The following DNAH9 variants were observed in gnomAD, a reference collection of about 807,000 sequenced individuals.
DNAH9 encodes DNAH9 variant protein.
Under a neutral mutation model 471.6 loss-of-function variants are expected in DNAH9, and 345 were observed. The ratio of observed to expected loss-of-function variants is 0.73; its 90% CI spans 0.67 to 0.80. DNAH9 has a LOEUF of 0.80. Ranked by LOEUF, DNAH9 falls within the 30% of genes least tolerant of loss-of-function variation. DNAH9 has a pLI of 0.00. For missense variants in DNAH9, 5,407 were observed against 5,609.2 expected, an observed-to-expected ratio of 0.96 and a Z score of 1.15; for synonymous variants, 2,093 against 2,123.6, an observed-to-expected ratio of 0.99 and a Z score of 0.40.
chr17:11,731,321 T>C (rs534294540), intron 28 of DNAH9, among the ~76,000 whole-genome samples: 4 of 151,528 alleles, frequency 2.6e-5, no homozygotes, highest in Non-Finnish European at 5.9e-5. Flanking sequence ...CTGCAGGAAA[T>C]GGGTTGAAGA....
chr17:11,749,086 GTTTTTTTTTTTT>G (rs1357238487), intron 32 of DNAH9, among the ~76,000 whole-genome samples: 6 of 20,528 alleles, frequency 2.9e-4, no homozygotes, highest in African/African-American at 8.6e-4. Context: ...TTTTTTTTTT[GTTTTTTTTTTTT>G]TTTTGAGACA....
intron 62 of DNAH9, among the ~76,000 whole-genome samples, chr17:11,925,844 G>T (rs2151031039): frequency 6.6e-6 from 1 of 152,028 alleles, no homozygotes; most frequent in African/African-American, 2.4e-5. Context: ...ATAAAGCATT[G>T]GAGTATTGAA....
At position 11,834,717 on chromosome 17, in the gene DNAH9, A is replaced by G. The variant is rs770165014; in HGVS notation, c.9326A>G (p.Gln3109Arg). 6.2e-7 allele frequency: 1 copy of G among 1,614,098 alleles called. No homozygotes were observed. The highest frequency in any genetic ancestry group is 8.5e-7 in the Non-Finnish European group (1 of 1,179,992). The change falls in exon 49 of 69, where the codon CAG (glutamine) becomes CGG (arginine). Residue 3109 changes from glutamine to arginine, a missense_variant. Gln to Arg is a conservative substitution (Grantham distance 43). Around this residue, in one of 3 missense-constraint regions of DNAH9, gnomAD observed 4,636 missense variants for 4,900.3 expected, o/e 0.95. Coordinates refer to ENST00000262442, the MANE Select transcript of DNAH9 (RefSeq NM_001372.4). The part of the protein sequence containing the change: ...QKNEDADKLI[Q>R]VVGVETDKVS... ...AATGAAGATGCAGACAAACTGATTC[A>G]GGTCGTGGGTGTGGAGACTGACAAA...
intron 36 of DNAH9, among the ~76,000 whole-genome samples, chr17:11,765,654 G>A (rs1967903324): frequency 6.6e-6 from 1 of 152,184 alleles, no homozygotes; most frequent in African/African-American, 2.4e-5. Flanking sequence ...ACATGAGCCA[G>A]GAGTTTGACA....
At chr17:11,964,387 A>C (rs1976511721) in intron 68 of DNAH9, among the ~76,000 whole-genome samples, 1 of 151,932 alleles carries the variant, frequency 6.6e-6, no homozygotes, top group South Asian at 2.1e-4. Context: ...AAGTGGGGGA[A>C]TGATATCAGT....
intron 11 of DNAH9, among the ~76,000 whole-genome samples, chr17:11,645,047 G>T (rs17600656): frequency 6.6e-6 from 1 of 152,006 alleles, no homozygotes; most frequent in Admixed American, 6.5e-5. Context: ...GCACAAAGAG[G>T]CAATAAGTTT....
chr17:11,837,282 T>C (rs927834637), intron 49 of DNAH9, among the ~76,000 whole-genome samples: 3 of 152,204 alleles, frequency 2.0e-5, no homozygotes, highest in African/African-American at 7.2e-5. Context: ...GAAGTAAAAT[T>C]CATTTTGAAT....
chr17:11,923,867 G>T lies in DNAH9; in HGVS notation c.11803G>T (p.Gly3935Trp), dbSNP rs1270059418. Reference protein sequence around the residue: ...NNQNFHNVSLGQGQEVVAEAA... With the variant: ...NNQNFHNVSLWQGQEVVAEAA... ...TCAGAACTTTCACAACGTGTCTTTG[G>T]GGCAAGGACAGGAAGTGGTGGCTGA... The change falls in exon 62 of 69, where the codon GGG (glycine) becomes TGG (tryptophan). Residue 3935 changes from glycine (G) to tryptophan (W), a missense_variant. Transcript: ENST00000262442. The T allele has an allele frequency of 6.2e-7, 1 of 1,614,024 alleles. No homozygotes were observed. Among genetic ancestry groups the T allele is most frequent in the Non-Finnish European group, 8.5e-7 (1 of 1,179,976 alleles).
chr17:11,869,055 A>G (rs1006944142), intron 50 of DNAH9, 79 bp from the exon 51 acceptor site: 1 of 1,541,818 alleles, frequency 6.5e-7, no homozygotes, highest in Non-Finnish European at 8.8e-7. Context: ...AACCACCTCC[A>G]TGTGAACCCT....
rs112333126 is a variant in DNAH9 at position 11,734,029 on chromosome 17, G to A, written c.5815-4851G>A. ...GGCCATGAAACTGGGATGGGGCAGC[G>A]TGGCCCAGTGGCAAGAACAGTTCAC... is the stretch of plus-strand genomic sequence containing the variant. On this transcript the variant is annotated intron_variant, in intron 28 of 68. Transcript: ENST00000262442. Among the ~76,000 whole-genome samples the A allele has an allele frequency of 3.2e-3, 485 of 152,240 alleles. 3 individuals are homozygous for A. Among genetic ancestry groups the A allele is most frequent in the African/African-American group, 0.011 (451 of 41,560 alleles).
chr17:11,846,360 A>G (rs1971224610), intron 49 of DNAH9, among the ~76,000 whole-genome samples: 1 of 149,902 alleles, frequency 6.7e-6, no homozygotes, highest in African/African-American at 2.5e-5. Flanking sequence ...CCATTGATCT[A>G]TATCTCTGTT....
chr17:11,911,309 G>T (rs192849792), intron 61 of DNAH9, among the ~76,000 whole-genome samples: 92 of 152,274 alleles, frequency 6.0e-4, no homozygotes, highest in African/African-American at 2.1e-3. Context: ...CCGGTTAAAT[G>T]ATGTTAGAAC....
intron 26 of DNAH9, among the ~76,000 whole-genome samples, chr17:11,708,010 C>CAGAG (rs2074750745): frequency 6.2e-5 from 3 of 48,238 alleles, no homozygotes; most frequent in East Asian, 5.9e-4. Flanking sequence ...CACACACACA[C>CAGAG]ACACAGAGAG....
intron 68 of DNAH9, among the ~76,000 whole-genome samples, 170 bp from the exon 69 acceptor site, chr17:11,969,130 A>G (rs926513087): frequency 4.6e-5 from 7 of 152,200 alleles, no homozygotes; most frequent in Admixed American, 6.5e-5. Context: ...GTGTTTCTAC[A>G]TATCAGATGC....
intron 38 of DNAH9, among the ~76,000 whole-genome samples, chr17:11,769,606 C>T (rs550689378): frequency 6.6e-6 from 1 of 152,316 alleles, no homozygotes; most frequent in African/African-American, 2.4e-5. Context: ...AGTTCAGCAC[C>T]TTGATGACAA....
intron 50 of DNAH9, among the ~76,000 whole-genome samples, chr17:11,868,699 T>C (rs974911708): frequency 6.6e-6 from 1 of 152,030 alleles, no homozygotes; most frequent in Non-Finnish European, 1.5e-5. Flanking sequence ...AGTTTTGATG[T>C]GTTCTTGCTT....
At chr17:11,712,698 C>T (rs1386263851) in intron 26 of DNAH9, among the ~76,000 whole-genome samples, 1 of 152,050 alleles carries the variant, frequency 6.6e-6, no homozygotes, top group Non-Finnish European at 1.5e-5. Flanking sequence ...TTTTCACATG[C>T]TTGTTAGCCA....
At chr17:11,621,019 A>G (rs1338892491) in intron 6 of DNAH9, among the ~76,000 whole-genome samples, 1 of 152,166 alleles carries the variant, frequency 6.6e-6, no homozygotes, top group Non-Finnish European at 1.5e-5. Context: ...TTTTACAGCT[A>G]TGTGTTTGCT....
Position 11,784,331 on chromosome 17 carries a change from C to CG in DNAH9, c.7858dup (p.Ala2620GlyfsTer91), listed in dbSNP as rs747376583. On this transcript the variant is annotated frameshift_variant, in exon 41 of 69. Transcript: ENST00000262442. LOFTEE classifies it high-confidence loss of function. ...TTCAGCGTGTTTGTCCTCTCCTTCC[C>CG]GGGGGCAGATGCCCTGTCCTCTATC... The CG allele has an allele frequency of 3.7e-6, 6 of 1,614,040 alleles. No individual in the cohort carries two copies. In the African/African-American group the frequency reaches 4.0e-5, roughly 11 times the overall value.
Sources: gnomAD v4.1 joint callset for allele counts (sites outside exome capture counted in the v4.1 genomes callset) on GRCh38, gnomAD v4.1.1 for gene constraint, gnomAD v4.1.1 regional missense constraint, MANE v1.5 for transcripts, NCBI Gene and HGNC (gene_info 2026-07-23, HGNC 2026-07-21) for gene names.